CUBN: variants seen among roughly 807,000 people sequenced by gnomAD.
CUBN encodes 460 kDa receptor.
CUBN carries 282 observed loss-of-function variants against 405.3 expected under a neutral mutation model. The observed-to-expected ratio is 0.70, with a 90% CI of 0.63 to 0.77. CUBN has a LOEUF of 0.77. Among genes scored for constraint, CUBN ranks in the 30% least tolerant of loss-of-function variants. The pLI is 0.00. For missense variants in CUBN, 4,514 were observed against 4,475.2 expected (o/e 1.01, Z -0.25); for synonymous variants, 1,684 against 1,617.0 (o/e 1.04, Z -0.99).
intron 50 of CUBN, among the ~76,000 whole-genome samples, chr10:16,904,670 T>C (rs1841507171): frequency 6.6e-6 from 1 of 152,246 alleles, no homozygotes; most frequent in South Asian, 2.1e-4. Context: ...AGAGCTCTCA[T>C]TTATCTGCTT....
At chr10:17,063,686 G>GT (rs1190831170) in intron 22 of CUBN, among the ~76,000 whole-genome samples, 48 of 152,266 alleles carry the variant, frequency 3.2e-4, no homozygotes, top group African/African-American at 9.6e-4. Context: ...AGCTAGGATG[G>GT]TAATAGAATT....
intron 14 of CUBN, among the ~76,000 whole-genome samples, chr10:17,099,307 A>T (rs973190734): frequency 9.2e-5 from 14 of 152,206 alleles, no homozygotes; most frequent in Admixed American, 6.5e-5. Flanking sequence ...AGAATAATTA[A>T]AACAAAATAA....
At chr10:16,910,983 G>A (rs1841715010) in intron 48 of CUBN, among the ~76,000 whole-genome samples, 1 of 152,092 alleles carries the variant, frequency 6.6e-6, no homozygotes, top group South Asian at 2.1e-4. Context: ...TAGCCCAGGA[G>A]AAGAATGAAG....
rs1461042186 is a variant in CUBN at position 16,828,847 on chromosome 10, C to T, written c.10722G>A (p.Gly3574=). 5 of 1,613,996 alleles carry T rather than the reference C, an allele frequency of 3.1e-6. No homozygotes were observed. In the African/African-American group the frequency reaches 4.0e-5, roughly 13 times the overall value. The change falls in exon 66 of 67, where the codon GGG becomes GGA. Residue 3574 remains glycine, a synonymous_variant. Coordinates refer to ENST00000377833, the MANE Select transcript of CUBN (RefSeq NM_001081.4). ...CVQNYLTLYD[G]PNASSPSSGP... ...CAGAGGATGGAGAGCTGGCGTTGGGCCCATCATAGAGTGTGAGATAGTTCT... is the reference window on the plus strand; with the variant it reads ...CAGAGGATGGAGAGCTGGCGTTGGGTCCATCATAGAGTGTGAGATAGTTCT...
intron 1 of CUBN, 143 bp from the exon 2 acceptor site, chr10:17,129,393 T>C (rs543121919): frequency 1.9e-6 from 2 of 1,041,098 alleles, no homozygotes; most frequent in Non-Finnish European, 2.9e-6. Flanking sequence ...CCTGCTCATC[T>C]GCCACTTTTT....
At chr10:17,094,911 T>C (rs550811225) in intron 14 of CUBN, among the ~76,000 whole-genome samples, 1 of 151,920 alleles carries the variant, frequency 6.6e-6, no homozygotes, top group Non-Finnish European at 1.5e-5. Context: ...AGACCCCAAA[T>C]AGCTAAAGCA....
intron 22 of CUBN, among the ~76,000 whole-genome samples, chr10:17,055,357 A>G (rs1835367450): frequency 6.6e-6 from 1 of 152,102 alleles, no homozygotes; most frequent in Admixed American, 6.5e-5. Context: ...GATTAAGAAA[A>G]AGGCCAACAT....
chr10:17,000,956 G>A (rs564130140), intron 28 of CUBN, among the ~76,000 whole-genome samples: 1 of 152,204 alleles, frequency 6.6e-6, no homozygotes, highest in African/African-American at 2.4e-5. Context: ...AACAGTGAGT[G>A]TTACAGTTCT....
intron 19 of CUBN, 28 bp downstream of exon 19, chr10:17,071,398 A>T: frequency 1.2e-6 from 2 of 1,609,214 alleles, no homozygotes; most frequent in Non-Finnish European, 1.7e-6. Context: ...ACAACCAAAT[A>T]CAAATTCAAA....
chr10:17,087,369 A>G (rs1836134011), intron 15 of CUBN, among the ~76,000 whole-genome samples: 1 of 151,472 alleles, frequency 6.6e-6, no homozygotes, highest in Non-Finnish European at 1.5e-5. Context: ...ACTAATGGGT[A>G]GGCAGAAGGA....
intron 59 of CUBN, among the ~76,000 whole-genome samples, chr10:16,865,260 G>A (rs576465108): frequency 1.4e-4 from 21 of 151,890 alleles, no homozygotes; most frequent in South Asian, 4.2e-4. Flanking sequence ...GTGAGCCACC[G>A]TGCCCAGCCT....
chr10:16,837,052 C>T (rs1301282086), intron 62 of CUBN, among the ~76,000 whole-genome samples: 2 of 152,004 alleles, frequency 1.3e-5, no homozygotes, highest in Admixed American at 6.5e-5. Flanking sequence ...ACTGAAACAC[C>T]CCACCCGTCT....
intron 40 of CUBN, among the ~76,000 whole-genome samples, chr10:16,931,220 C>T (rs1428682077): frequency 4.0e-5 from 6 of 151,062 alleles, no homozygotes; most frequent in East Asian, 1.9e-4. Flanking sequence ...GCCAAGATAG[C>T]GCCACTGCAG....
intron 17 of CUBN, among the ~76,000 whole-genome samples, chr10:17,081,202 G>T (rs949597726): frequency 6.6e-6 from 1 of 152,166 alleles, no homozygotes; most frequent in Non-Finnish European, 1.5e-5. Flanking sequence ...TACACACTCA[G>T]CAATGGTACC....
chr10:17,034,306 T>C (rs1834848685), intron 27 of CUBN, among the ~76,000 whole-genome samples: 1 of 152,204 alleles, frequency 6.6e-6, no homozygotes, highest in Admixed American at 6.5e-5. Context: ...ATTTTTAATA[T>C]AATGAGGTAA....
intron 31 of CUBN, among the ~76,000 whole-genome samples, chr10:16,971,713 C>G (rs1707285): frequency 0.43 from 65,206 of 151,936 alleles, 15,478 homozygotes; most frequent in Non-Finnish European, 0.54. Flanking sequence ...GTGTCTCTGT[C>G]CTGAAAACAT....
intron 55 of CUBN, among the ~76,000 whole-genome samples, chr10:16,889,942 A>AAAAAAAAAAAAAAAAACAAACAAACAAAC (rs1554788548): frequency 7.3e-6 from 1 of 136,222 alleles, no homozygotes; most frequent in African/African-American, 2.9e-5. Flanking sequence ...TGTCAAAAAA[A>AAAAAAAAAAAAAAAAACAAACAAACAAAC]AAAAAAAAAA....
At chr10:16,851,181 C>T (rs375301158) in intron 60 of CUBN, 54 bp downstream of exon 60, 5 of 1,389,556 alleles carry the variant, frequency 3.6e-6, no homozygotes, top group Non-Finnish European at 5.1e-6. Context: ...CTGGAATACA[C>T]TATATTAGAG....
intron 48 of CUBN, 126 bp downstream of exon 48, chr10:16,913,685 G>C: frequency 1.9e-6 from 2 of 1,060,820 alleles, no homozygotes; most frequent in Non-Finnish European, 2.9e-6. Flanking sequence ...ACAATACTTA[G>C]AATTTGTCTG....
Sources: gnomAD v4.1 joint callset for allele counts (sites outside exome capture counted in the v4.1 genomes callset) on GRCh38, gnomAD v4.1.1 for gene constraint, MANE v1.5 for transcripts, NCBI Gene and HGNC (gene_info 2026-07-23, HGNC 2026-07-21) for gene names.